Variants in TMEM170B observed in about 807,000 individuals in gnomAD.
TMEM170B encodes the protein transmembrane protein 170B.
Under a neutral mutation model 13.0 loss-of-function variants are expected in TMEM170B, and 6 were observed. The ratio of observed to expected loss-of-function variants is 0.46; its 90% CI spans 0.25 to 0.91. The LOEUF is 0.91. Ranked by LOEUF, TMEM170B falls within the 40% of genes least tolerant of loss-of-function variation. The probability of loss-of-function intolerance (pLI) is 0.17; values close to 1 mark genes in which losing one functional copy is unlikely to be tolerated. For synonymous variants in TMEM170B, 61 were observed against 64.9 expected, an observed-to-expected ratio of 0.94 and a Z score of 0.29; for missense variants, 138 against 165.2, an observed-to-expected ratio of 0.84 and a Z score of 0.90.
At position 11,582,754 on chromosome 6, in the gene TMEM170B, C is replaced by T. The variant is rs1300437291; in HGVS notation, c.*7193C>T. The T allele has an allele frequency of 1.3e-5, 2 of 152,058 alleles. No individual in the cohort carries two copies. Among genetic ancestry groups the T allele is most frequent in the African/African-American group, 4.8e-5 (2 of 41,398 alleles). The allele number at this position is 152,058 out of a possible 1,614,324, so 9.4% of individuals were successfully genotyped here. ...TAGAAATACTAAATGTACTGTGAAG[C>T]TTAAAGACAGGAGAATAAATGTTGG... On this transcript the variant is annotated 3_prime_UTR_variant, in exon 3 of 3. Coordinates refer to ENST00000379426, the MANE Select transcript of TMEM170B (RefSeq NM_001100829.3).
At chr6:11,562,315 A>T (rs576538940) in intron 1 of TMEM170B, among the ~76,000 whole-genome samples, 1 of 151,688 alleles carries the variant, frequency 6.6e-6, no homozygotes, top group South Asian at 2.1e-4. Context: ...TTTGAGAGTA[A>T]TGATCTGAAA....
chr6:11,547,425 T>C (rs998815991), intron 1 of TMEM170B, among the ~76,000 whole-genome samples: 2 of 152,176 alleles, frequency 1.3e-5, no homozygotes, highest in African/African-American at 4.8e-5. Context: ...AAAAATTACT[T>C]CAAATGTCTA....
chr6:11,562,821 C>T (rs1759686252), intron 1 of TMEM170B, among the ~76,000 whole-genome samples: 1 of 152,112 alleles, frequency 6.6e-6, no homozygotes, highest in Middle Eastern at 3.2e-3. Flanking sequence ...GTATCACTTA[C>T]ATGTATATCC....
chr6:11,558,447 A>G (rs1243370210), intron 1 of TMEM170B, among the ~76,000 whole-genome samples: 1 of 152,192 alleles, frequency 6.6e-6, no homozygotes, highest in Non-Finnish European at 1.5e-5. Context: ...TCTTGGCTGT[A>G]TGGGAACATA....
rs758854512 is a variant in TMEM170B at position 11,567,249 on chromosome 6, CGGG to C, written c.268+1414_268+1416del. On this transcript the variant is annotated intron_variant, in intron 2 of 2. Transcript: ENST00000379426. ...TGCTTAGTGTGGTTGTGCCAGGAAC[CGGG>C]TGCCTCTCTGAGCTGCTGTTGATTC... 6.1e-3 allele frequency among the ~76,000 whole-genome samples: 936 copies of C among 152,288 alleles called. 26 individuals are homozygous for C. In the East Asian group the frequency reaches 0.088, roughly 14 times the overall value.
intron 2 of TMEM170B, among the ~76,000 whole-genome samples, chr6:11,568,254 G>T (rs180766306): frequency 6.6e-6 from 1 of 152,180 alleles, no homozygotes; most frequent in Non-Finnish European, 1.5e-5. Context: ...AGGAGTTAAT[G>T]TAAGAACCAT....
At chr6:11,556,760 C>G (rs1203318207) in intron 1 of TMEM170B, among the ~76,000 whole-genome samples, 1 of 152,094 alleles carries the variant, frequency 6.6e-6, no homozygotes, top group African/African-American at 2.4e-5. Context: ...ATTCTTCTAC[C>G]CTTCCCTAAA....
chr6:11,552,216 A>G (rs1271915078), intron 1 of TMEM170B, among the ~76,000 whole-genome samples: 2 of 152,220 alleles, frequency 1.3e-5, no homozygotes, highest in Non-Finnish European at 2.9e-5. Context: ...TATCTTAACG[A>G]TGTATAATAG....
At chr6:11,545,242 C>A (rs1040449168) in intron 1 of TMEM170B, among the ~76,000 whole-genome samples, 1 of 148,874 alleles carries the variant, frequency 6.7e-6, no homozygotes, top group South Asian at 2.2e-4. Flanking sequence ...GGGAATTCAA[C>A]CTGGAATGAA....
chr6:11,548,979 C>T (rs555996299), intron 1 of TMEM170B, among the ~76,000 whole-genome samples: 18 of 152,114 alleles, frequency 1.2e-4, no homozygotes, highest in African/African-American at 3.6e-4. Context: ...ACATAAATGA[C>T]GAGTTAATGG....
At chr6:11,546,857 G>T (rs989714698) in intron 1 of TMEM170B, among the ~76,000 whole-genome samples, 2 of 152,114 alleles carry the variant, frequency 1.3e-5, no homozygotes, top group African/African-American at 4.8e-5. Flanking sequence ...ATGTATCCCC[G>T]TCATTAGGCA....
At chr6:11,546,245 AT>A (rs572760228) in intron 1 of TMEM170B, among the ~76,000 whole-genome samples, 2 of 151,186 alleles carry the variant, frequency 1.3e-5, no homozygotes, top group South Asian at 2.1e-4. Context: ...GTTTTTAACA[AT>A]TTTTTTTTAA....
intron 1 of TMEM170B, among the ~76,000 whole-genome samples, chr6:11,564,355 G>T (rs1759708363): frequency 6.6e-6 from 1 of 152,190 alleles, no homozygotes. Flanking sequence ...CCTACCAACA[G>T]TAAATATCTA....
chr6:11,555,355 G>A (rs571771176), intron 1 of TMEM170B, among the ~76,000 whole-genome samples: 1 of 152,058 alleles, frequency 6.6e-6, no homozygotes, highest in Non-Finnish European at 1.5e-5. Context: ...TCACTATGAT[G>A]TGTCTAGGTA....
intron 1 of TMEM170B, among the ~76,000 whole-genome samples, chr6:11,549,044 G>A (rs1759481054): frequency 6.6e-6 from 1 of 152,114 alleles, no homozygotes; most frequent in Non-Finnish European, 1.5e-5. Context: ...TGCACGTTGT[G>A]CACATGTACC....
At position 11,582,565 on chromosome 6, in the gene TMEM170B, GA is replaced by G; in HGVS notation, c.*7007del. The stretch of plus-strand genomic sequence containing the variant: ...CTCTATTTTTTCTTTTTCCAAGTAT[GA>G]AATGGAAAAAAATGTAGTTAAGAAA... On this transcript the variant is annotated 3_prime_UTR_variant, in exon 3 of 3. Transcript: ENST00000379426. 6.6e-6 allele frequency: 1 copy of G among 151,972 alleles called. No homozygotes were observed. The allele number at this position is 151,972 out of a possible 1,614,324, so 9.4% of individuals were successfully genotyped here.
chr6:11,549,493 C>G (rs192561971), intron 1 of TMEM170B, among the ~76,000 whole-genome samples: 11 of 151,906 alleles, frequency 7.2e-5, no homozygotes, highest in African/African-American at 2.7e-4. Context: ...GAAACCCCGT[C>G]TCTACTAAAA....
chr6:11,579,306 A>T lies in TMEM170B; in HGVS notation c.*3745A>T, dbSNP rs995595619. The T allele has an allele frequency of 1.8e-4, 27 of 152,280 alleles. No individual in the cohort carries two copies. Among genetic ancestry groups the T allele is most frequent in the African/African-American group, 6.5e-4 (27 of 41,562 alleles). 9.4% of individuals were successfully genotyped at this position (152,280 alleles called of 1,614,324 possible). A position where few individuals can be genotyped will look rare whatever the true frequency, so the allele number is the denominator to read the frequency against. On this transcript the variant is annotated 3_prime_UTR_variant, in exon 3 of 3. Coordinates refer to ENST00000379426, the MANE Select transcript of TMEM170B (RefSeq NM_001100829.3). ...TTTTTGACCTTGAGCAAATCACTTA[A>T]CTTCTCTGAGCCTCAGTTCATACTC...
intron 1 of TMEM170B, among the ~76,000 whole-genome samples, chr6:11,548,743 A>G (rs1369064659): frequency 6.6e-6 from 1 of 152,224 alleles, no homozygotes; most frequent in African/African-American, 2.4e-5. Context: ...CTATGCAGCC[A>G]TAAAAAAGGA....
Sources: allele counts gnomAD v4.1 joint callset (sites outside exome capture counted in the v4.1 genomes callset), GRCh38; gene constraint gnomAD v4.1.1; transcripts MANE v1.5; gene names NCBI Gene and HGNC (gene_info 2026-07-23, HGNC 2026-07-21).